TMEFF2: variants seen among roughly 807,000 people sequenced by gnomAD.
TMEFF2 encodes tomoregulin-2.
A neutral mutation model predicts 53.8 loss-of-function variants in TMEFF2; 28 were observed. That is an observed-to-expected ratio of 0.52 (90% CI 0.39 to 0.71). The LOEUF (loss-of-function observed/expected upper bound fraction) is 0.71. Ranked by LOEUF, TMEFF2 falls within the 30% of genes least tolerant of loss-of-function variation. The pLI is 0.00. For missense variants in TMEFF2, 353 were observed against 455.2 expected, an observed-to-expected ratio of 0.78 and a Z score of 2.04; for synonymous variants, 162 against 166.3, an observed-to-expected ratio of 0.97 and a Z score of 0.20.
chr2:192,054,749 T>C (rs1212194840), intron 5 of TMEFF2, among the ~76,000 whole-genome samples: 1 of 152,208 alleles, frequency 6.6e-6, no homozygotes, highest in Non-Finnish European at 1.5e-5. Context: ...TTTGGTTGAA[T>C]TGTTATGCTA....
At chr2:192,146,555 C>T (rs1486424747) in intron 4 of TMEFF2, among the ~76,000 whole-genome samples, 1 of 151,936 alleles carries the variant, frequency 6.6e-6, no homozygotes, top group Non-Finnish European at 1.5e-5. Context: ...GTCATGTGAA[C>T]TGCTACATTT....
At chr2:191,952,347 G>A (rs1239855077) in intron 9 of TMEFF2, among the ~76,000 whole-genome samples, 2 of 152,182 alleles carry the variant, frequency 1.3e-5, no homozygotes, top group Non-Finnish European at 2.9e-5. Flanking sequence ...TTGCATTTGT[G>A]TCAGTAGTCG....
intron 8 of TMEFF2, among the ~76,000 whole-genome samples, chr2:191,954,210 G>C (rs927088152): frequency 6.6e-6 from 1 of 152,062 alleles, no homozygotes; most frequent in Non-Finnish European, 1.5e-5. Context: ...ATAGTTGATT[G>C]ATGGGCATTT....
intron 5 of TMEFF2, among the ~76,000 whole-genome samples, chr2:192,001,767 T>C (rs1385140317): frequency 1.3e-5 from 2 of 152,040 alleles, no homozygotes; most frequent in African/African-American, 2.4e-5. Context: ...TTTCACCTTC[T>C]GCCATGATTG....
intron 5 of TMEFF2, among the ~76,000 whole-genome samples, chr2:192,055,729 C>A (rs969113428): frequency 7.8e-6 from 1 of 128,338 alleles, no homozygotes; most frequent in Non-Finnish European, 1.6e-5. Flanking sequence ...GAGTTGAGAT[C>A]GTGCCACTGC....
chr2:192,037,339 CAG>C (rs1264083969), intron 5 of TMEFF2, among the ~76,000 whole-genome samples: 1 of 85,708 alleles, frequency 1.2e-5, no homozygotes. Flanking sequence ...GAAAGAAAAA[CAG>C]AAAACAGAAA....
chr2:192,011,685 T>G (rs1686629712), intron 5 of TMEFF2, among the ~76,000 whole-genome samples: 1 of 152,200 alleles, frequency 6.6e-6, no homozygotes, highest in Non-Finnish European at 1.5e-5. Context: ...TGACAAACAT[T>G]AGACTTATCA....
intron 4 of TMEFF2, among the ~76,000 whole-genome samples, chr2:192,122,886 T>C (rs1359464392): frequency 6.6e-6 from 1 of 152,026 alleles, no homozygotes; most frequent in Non-Finnish European, 1.5e-5. Flanking sequence ...AGTGAGAATA[T>C]AAAAATCAGA....
intron 7 of TMEFF2, among the ~76,000 whole-genome samples, chr2:191,980,469 C>T (rs1685828969): frequency 6.6e-6 from 1 of 152,280 alleles, no homozygotes; most frequent in Non-Finnish European, 1.5e-5. Context: ...CATTATTCAT[C>T]TGGCATTAAA....
intron 5 of TMEFF2, among the ~76,000 whole-genome samples, chr2:192,003,926 T>TGGGGGGG (rs767041385): frequency 3.1e-5 from 3 of 96,378 alleles, no homozygotes; most frequent in Non-Finnish European, 6.8e-5. Flanking sequence ...TGTGTGTGTG[T>TGGGGGGG]GTGGGGGGGG....
At chr2:192,183,475 AT>A (rs1391891783) in intron 3 of TMEFF2, among the ~76,000 whole-genome samples, 2 of 152,084 alleles carry the variant, frequency 1.3e-5, no homozygotes, top group African/African-American at 4.8e-5. Context: ...GAGAAAGTTT[AT>A]AATTGATGAC....
chr2:192,107,721 T>C (rs369846450), intron 4 of TMEFF2, among the ~76,000 whole-genome samples: 1 of 151,556 alleles, frequency 6.6e-6, no homozygotes, highest in East Asian at 1.9e-4. Flanking sequence ...TTCCCAAATA[T>C]AATAATTCAA....
chr2:192,094,449 A>G (rs1169450776), intron 4 of TMEFF2, among the ~76,000 whole-genome samples: 1 of 152,088 alleles, frequency 6.6e-6, no homozygotes, highest in Admixed American at 6.6e-5. Context: ...CCAGAGGCCA[A>G]TGGTAGAAAA....
chr2:192,185,721 A>G (rs766912930), intron 2 of TMEFF2, among the ~76,000 whole-genome samples: 10 of 152,016 alleles, frequency 6.6e-5, no homozygotes, highest in Non-Finnish European at 2.9e-5. Flanking sequence ...ATTTTACTCT[A>G]TTTCCTAACA....
intron 7 of TMEFF2, among the ~76,000 whole-genome samples, chr2:191,975,259 TTTC>T (rs201960346): frequency 3.5e-5 from 2 of 57,054 alleles, no homozygotes; most frequent in African/African-American, 4.4e-5. Flanking sequence ...TTTTTTTCTT[TTTC>T]TTCTTTTTTT....
intron 7 of TMEFF2, among the ~76,000 whole-genome samples, chr2:191,980,177 A>G (rs1042286978): frequency 6.6e-6 from 1 of 152,222 alleles, no homozygotes; most frequent in African/African-American, 2.4e-5. Flanking sequence ...TAAAATAAAA[A>G]GGTAAAAGCA....
intron 5 of TMEFF2, chr2:192,030,221 G>T (rs997071960): frequency 6.6e-6 from 1 of 152,158 alleles, no homozygotes; most frequent in Admixed American, 6.6e-5. Flanking sequence ...AGCCATTTCT[G>T]CTCCCTTTCT....
chr2:192,179,664 C>T lies in TMEFF2; in HGVS notation c.439+4G>A. The T allele has an allele frequency of 6.5e-7, 1 of 1,549,050 alleles. No individual in the cohort carries two copies. The highest frequency in any genetic ancestry group is 8.7e-7 in the Non-Finnish European group (1 of 1,151,762). On this transcript the variant is annotated splice_donor_region_variant and intron_variant, in intron 4 of 9. Transcript: ENST00000272771. ...CTTCAAATATGTAAAAAGGCAACTC[C>T]TACCTCCATCTCCAGATCCTGATCC...
chr2:192,029,002 C>T (rs2105869851), intron 5 of TMEFF2: 1 of 152,214 alleles, frequency 6.6e-6, no homozygotes, highest in East Asian at 1.9e-4. Context: ...GCTTTTTGAA[C>T]TAGGGACTTC....
Sources: gnomAD v4.1 joint callset for allele counts (sites outside exome capture counted in the v4.1 genomes callset) on GRCh38, gnomAD v4.1.1 for gene constraint, MANE v1.5 for transcripts, NCBI Gene and HGNC (gene_info 2026-07-23, HGNC 2026-07-21) for gene names.